MGAM: variants seen among roughly 807,000 people sequenced by gnomAD.
MGAM encodes the protein alpha-1,4-glucosidase.
MGAM carries 253 observed loss-of-function variants against 358.8 expected under a neutral mutation model. The observed-to-expected ratio is 0.71, with a 90% CI of 0.64 to 0.78. The LOEUF is 0.78. Among genes scored for constraint, MGAM ranks in the 30% least tolerant of loss-of-function variants. MGAM has a pLI of 0.00. For synonymous variants in MGAM, 1,105 were observed against 1,227.1 expected (o/e 0.90, Z 2.08); for missense variants, 3,080 against 3,432.6 (o/e 0.90, Z 2.57).
chr7:142,049,111 C>A (rs1182496449), intron 22 of MGAM, among the ~76,000 whole-genome samples: 1 of 152,162 alleles, frequency 6.6e-6, no homozygotes, highest in Non-Finnish European at 1.5e-5. Flanking sequence ...CCATGCAGTA[C>A]TTGACTTTCT....
chr7:142,064,527 G>T lies in MGAM; in HGVS notation c.4484+5G>T, dbSNP rs1233739753. The T allele has an allele frequency of 2.2e-5, 35 of 1,568,154 alleles. No homozygotes were observed. The highest frequency in any genetic ancestry group is 3.0e-5 in the Non-Finnish European group (35 of 1,156,470). Reference sequence around the variant, plus strand: ...CCAGACCAGACCCACATACGAGTGAGTCTCCGTCTCCCTTCTCCAGCTGTC... The same window carrying T: ...CCAGACCAGACCCACATACGAGTGATTCTCCGTCTCCCTTCTCCAGCTGTC... On this transcript the variant is annotated splice_donor_5th_base_variant and intron_variant, in intron 37 of 70. Coordinates refer to ENST00000475668, the MANE Select transcript of MGAM (RefSeq NM_001365693.1).
chr7:142,083,292 C>G lies in MGAM; in HGVS notation c.6269-9C>G, dbSNP rs778737512. 5 of 1,535,146 alleles carry G rather than the reference C, an allele frequency of 3.3e-6. 1 individual carries two copies. In the South Asian group the frequency reaches 4.6e-5, roughly 14 times the overall value. ...TTCCAGCTTGATTAGCATTTTTCTT[C>G]ATTTTCAGATGTGACGTTCCAGCCC... is the stretch of plus-strand genomic sequence containing the variant. On this transcript the variant is annotated splice_polypyrimidine_tract_variant and intron_variant, in intron 52 of 70. Transcript: ENST00000475668.
At chr7:142,074,927 A>G (rs1225625728) in intron 45 of MGAM, among the ~76,000 whole-genome samples, 2 of 146,484 alleles carry the variant, frequency 1.4e-5, no homozygotes, top group Non-Finnish European at 3.1e-5. Context: ...ATCACTACCA[A>G]TGCTGCAGAC....
intron 36 of MGAM, 132 bp downstream of exon 36, chr7:142,063,718 G>C (rs1812456512): frequency 1.8e-6 from 2 of 1,084,076 alleles, no homozygotes; most frequent in South Asian, 3.0e-5. Flanking sequence ...GGGGACCAGA[G>C]ACAAAAGCTC....
rs1214529496 is a variant in MGAM, at chr7:142,043,538, T to C, written c.2498+2692T>C. Among the ~76,000 whole-genome samples, 49 of 110,316 alleles carry C rather than the reference T, an allele frequency of 4.4e-4. 7 individuals are homozygous for C. The highest frequency in any genetic ancestry group is 1.8e-3 in the African/African-American group (49 of 27,184). 72.4% of individuals were successfully genotyped at this position (110,316 alleles called of 152,430 possible). Reference sequence around the variant, plus strand: ...TAATATCTAAATATAATATGAATTATATAGATATATCTAAATATATATATT... The same window carrying C: ...TAATATCTAAATATAATATGAATTACATAGATATATCTAAATATATATATT... On this transcript the variant is annotated intron_variant, in intron 21 of 70. Coordinates refer to ENST00000475668, the MANE Select transcript of MGAM (RefSeq NM_001365693.1).
At chr7:142,091,385 C>T (rs1261187330) in intron 57 of MGAM, among the ~76,000 whole-genome samples, 1 of 146,324 alleles carries the variant, frequency 6.8e-6, no homozygotes. Flanking sequence ...AATTTATCTT[C>T]CACACAGCTG....
intron 21 of MGAM, among the ~76,000 whole-genome samples, chr7:142,041,323 T>A (rs1808513682): frequency 6.6e-6 from 1 of 152,132 alleles, no homozygotes; most frequent in Admixed American, 6.6e-5. Context: ...AGCCTACTTG[T>A]CTTTAATAGA....
At chr7:142,100,959 G>C in intron 68 of MGAM, 69 bp downstream of exon 68, 1 of 1,359,816 alleles carries the variant, frequency 7.4e-7, no homozygotes, top group Non-Finnish European at 1.0e-6. Context: ...TTACAGGCCT[G>C]CTTTCACCTT....
At chr7:142,028,697 AAGAT>A (rs1436975793) in intron 10 of MGAM, among the ~76,000 whole-genome samples, 4 of 152,182 alleles carry the variant, frequency 2.6e-5, no homozygotes, top group Non-Finnish European at 1.5e-5. Flanking sequence ...ATTTGACGGA[AAGAT>A]AGTCCATAAA....
intron 14 of MGAM, among the ~76,000 whole-genome samples, chr7:142,033,440 G>C: frequency 6.6e-6 from 1 of 152,160 alleles, no homozygotes; most frequent in Non-Finnish European, 1.5e-5. Context: ...TGGCATCATA[G>C]CATCGGCCAT....
upstream of MGAM, among the ~76,000 whole-genome samples, chr7:141,992,052 G>A (rs1554447466): frequency 6.6e-6 from 1 of 152,130 alleles, no homozygotes; most frequent in East Asian, 1.9e-4. Flanking sequence ...ATTTGGGGTC[G>A]AATGAGAGAT....
rs754669604 is a variant in MGAM, at chr7:142,091,889, A to G, written c.6811-24A>G. 7 of 1,409,968 alleles carry G rather than the reference A, an allele frequency of 5.0e-6. No homozygotes were observed. In the East Asian group the frequency reaches 1.7e-4, roughly 34 times the overall value. The allele number at this position is 1,409,968 out of a possible 1,614,324, so 87.3% of individuals were successfully genotyped here. A position where few individuals can be genotyped will look rare whatever the true frequency, so the allele number is the denominator to read the frequency against. ...TGTCTTCTATATTTGTGTGGGACAA[A>G]GAAATTATATTTCTTTTTTATAGCT... On this transcript the variant is annotated intron_variant, in intron 57 of 70. Coordinates refer to ENST00000475668, the MANE Select transcript of MGAM (RefSeq NM_001365693.1).
At chr7:142,030,318 G>T in intron 10 of MGAM, 44 bp from the exon 11 acceptor site, 2 of 1,591,156 alleles carry the variant, frequency 1.3e-6, no homozygotes, top group South Asian at 1.1e-5. Flanking sequence ...ATTTTACTAT[G>T]GAAATTCCTA....
At chr7:142,059,149 G>T (rs1024706176) in intron 31 of MGAM, among the ~76,000 whole-genome samples, 3 of 152,174 alleles carry the variant, frequency 2.0e-5, no homozygotes, top group Non-Finnish European at 4.4e-5. Context: ...TCTTGGGGTA[G>T]GTCATCACCA....
chr7:141,992,165 T>A (rs114021941), upstream of MGAM, among the ~76,000 whole-genome samples: 234 of 152,358 alleles, frequency 1.5e-3, no homozygotes, highest in African/African-American at 5.6e-3. Flanking sequence ...TGACACTTAC[T>A]GAGTATTTAC....
intron 26 of MGAM, among the ~76,000 whole-genome samples, chr7:142,054,324 C>T (rs888677863): frequency 6.6e-6 from 1 of 152,212 alleles, no homozygotes; most frequent in African/African-American, 2.4e-5. Context: ...GTAGTAGGTA[C>T]TCATGAATCA....
chr7:142,018,147 C>G (rs782578650), intron 3 of MGAM, among the ~76,000 whole-genome samples: 2 of 152,184 alleles, frequency 1.3e-5, no homozygotes, highest in African/African-American at 2.4e-5. Context: ...TAGCTAGGTG[C>G]CTCTGGCTCA....
rs894825761 is a variant in MGAM at position 142,066,028 on chromosome 7, A to G, written c.4770+197A>G. 4.2e-5 allele frequency among the ~76,000 whole-genome samples: 6 copies of G among 143,064 alleles called. No homozygotes were observed. The East Asian group carries it at 1.0e-3, about 24-fold the overall frequency. The allele number at this position is 143,064 out of a possible 152,430, so 93.9% of individuals were successfully genotyped here. On this transcript the variant is annotated intron_variant, in intron 40 of 70. Transcript: ENST00000475668. ...CCAGGCTGAATCGTGCAGTGTCCCA[A>G]TCATGGCTGACTGCAGCCTCCACCT...
At chr7:142,050,578 A>G in intron 23 of MGAM, 119 bp from the exon 24 acceptor site, 1 of 1,073,398 alleles carries the variant, frequency 9.3e-7, no homozygotes, top group Non-Finnish European at 1.4e-6. Flanking sequence ...TAGTAGAGAA[A>G]GCAGAGAGGC....
Sources: gnomAD v4.1 joint callset for allele counts (sites outside exome capture counted in the v4.1 genomes callset) on GRCh38, gnomAD v4.1.1 for gene constraint, MANE v1.5 for transcripts, NCBI Gene and HGNC (gene_info 2026-07-23, HGNC 2026-07-21) for gene names.